Variants in PTGFR observed in about 807,000 individuals in gnomAD.
PTGFR encodes the protein prostaglandin F2-alpha receptor.
Under a neutral mutation model 26.2 loss-of-function variants are expected in PTGFR, and 15 were observed. That is an observed-to-expected ratio of 0.57 (90% confidence interval 0.38 to 0.88). The LOEUF is 0.88. Ranked by LOEUF, PTGFR falls within the 40% of genes least tolerant of loss-of-function variation. The pLI is 0.00. For synonymous variants in PTGFR, 165 were observed against 151.1 expected (o/e 1.09, Z -0.68); for missense variants, 369 against 427.2 (o/e 0.86, Z 1.20).
intron 2 of PTGFR, among the ~76,000 whole-genome samples, chr1:78,505,863 A>AGTAGGAAAGAT (rs1649817649): frequency 1.3e-5 from 2 of 152,240 alleles, no homozygotes; most frequent in South Asian, 4.1e-4. Flanking sequence ...GAGCAAGGTC[A>AGTAGGAAAGAT]GTACATCTTT....
rs192318000 is a variant in PTGFR, at chr1:78,517,690, G to A, written c.799-18716G>A. ...GGTGGTAGAATTTGAGGACACAGAA[G>A]AAGGTAGGAGTCAGATTGTGTAGGA... is the stretch of plus-strand genomic sequence containing the variant. On this transcript the variant is annotated intron_variant, in intron 2 of 2. Coordinates refer to ENST00000370757, the MANE Select transcript of PTGFR (RefSeq NM_000959.4). Among the ~76,000 whole-genome samples the A allele has an allele frequency of 1.3e-3, 199 of 152,230 alleles. 1 individual carries two copies. The highest frequency in any genetic ancestry group is 2.4e-3 in the Admixed American group (36 of 15,284).
intron 2 of PTGFR, chr1:78,532,089 T>C (rs571003841): frequency 9.2e-6 from 3 of 324,564 alleles, no homozygotes; most frequent in African/African-American, 4.6e-5. Flanking sequence ...GCAGGGAACA[T>C]GGCATGTTTT....
intron 2 of PTGFR, among the ~76,000 whole-genome samples, chr1:78,525,648 C>T (rs1650353158): frequency 1.3e-5 from 2 of 152,160 alleles, no homozygotes; most frequent in South Asian, 4.1e-4. Flanking sequence ...GAAGGTCAGG[C>T]TGATATCATG....
rs192588015 is a variant in PTGFR at position 78,513,191 on chromosome 1, G to A, written c.798+19650G>A. Among the ~76,000 whole-genome samples the A allele has an allele frequency of 4.4e-4, 67 of 152,318 alleles. 1 individual carries two copies. The highest frequency in any genetic ancestry group is 4.0e-3 in the Admixed American group (61 of 15,302). On this transcript the variant is annotated intron_variant, in intron 2 of 2. Coordinates refer to ENST00000370757, the MANE Select transcript of PTGFR (RefSeq NM_000959.4). ...GGAACTGTAAAATGGGCAGAGGTTG[G>A]AAGAATTTGGAGGGCTCAGAAGAAC... is the stretch of plus-strand genomic sequence containing the variant.
chr1:78,503,080 T>C (rs983607861), intron 2 of PTGFR, among the ~76,000 whole-genome samples: 6 of 152,098 alleles, frequency 3.9e-5, no homozygotes, highest in Non-Finnish European at 7.4e-5. Flanking sequence ...GAGAAAATAA[T>C]GCATATAATT....
intron 2 of PTGFR, among the ~76,000 whole-genome samples, chr1:78,496,882 TC>T (rs1553164273): frequency 8.3e-6 from 1 of 120,408 alleles, no homozygotes; most frequent in South Asian, 3.2e-4. Context: ...AAATACTCCC[TC>T]CCCCTCCCCC....
rs1168658956 is a variant in PTGFR at position 78,540,494 on chromosome 1, C to G, written c.*3807C>G. ...AGGACTCACTCTTTGTAAGTACTGA[C>G]AAGCATGGTCTTGTAATCTGTAAAG... On this transcript the variant is annotated 3_prime_UTR_variant, in exon 3 of 3. Coordinates refer to ENST00000370757, the MANE Select transcript of PTGFR (RefSeq NM_000959.4). Among the ~76,000 whole-genome samples the G allele has an allele frequency of 1.3e-5, 2 of 152,048 alleles. No homozygotes were observed. Among genetic ancestry groups the G allele is most frequent in the Non-Finnish European group, 2.9e-5 (2 of 67,992 alleles).
At chr1:78,513,947 T>C (rs577806205) in intron 2 of PTGFR, among the ~76,000 whole-genome samples, 1 of 152,360 alleles carries the variant, frequency 6.6e-6, no homozygotes, top group South Asian at 2.1e-4. Context: ...GCACACAGAA[T>C]GCAAAAGTGA....
chr1:78,495,844 C>T (rs1649534913), intron 2 of PTGFR, among the ~76,000 whole-genome samples: 1 of 152,126 alleles, frequency 6.6e-6, no homozygotes. Flanking sequence ...AATTTAATTC[C>T]TATTTTAAAC....
chr1:78,536,434 G>A lies in PTGFR; in HGVS notation c.827G>A (p.Gly276Glu), dbSNP rs1289806791. Residue 276 changes from glycine (G) to glutamate (E), a missense_variant, in exon 3 of 3, where the codon GGA (glycine) becomes GAA (glutamate). Coordinates refer to ENST00000370757, the MANE Select transcript of PTGFR (RefSeq NM_000959.4). The part of the protein sequence containing the change: ...LVTMANIGIN[G>E]NHSLETCETT... ...ACAATGGCCAACATTGGAATAAATG[G>A]AAATCATTCTCTGGAAACCTGTGAA... The A allele has an allele frequency of 6.2e-7, 1 of 1,612,280 alleles. No homozygotes were observed. Among genetic ancestry groups the A allele is most frequent in the Non-Finnish European group, 8.5e-7 (1 of 1,179,206 alleles).
chr1:78,534,690 A>G (rs1650603624), intron 2 of PTGFR, among the ~76,000 whole-genome samples: 3 of 146,046 alleles, frequency 2.1e-5, no homozygotes, highest in Non-Finnish European at 3.1e-5. Flanking sequence ...ACAAAATTAC[A>G]TATTTGGTTT....
At chr1:78,534,733 A>G (rs563241162) in intron 2 of PTGFR, among the ~76,000 whole-genome samples, 2 of 152,180 alleles carry the variant, frequency 1.3e-5, no homozygotes, top group Admixed American at 6.5e-5. Flanking sequence ...CAATCAATAC[A>G]GTTTGGCAAT....
chr1:78,536,850 A>G lies in PTGFR; in HGVS notation c.*163A>G, dbSNP rs1483198358. The G allele has an allele frequency of 1.2e-5, 10 of 814,308 alleles. No homozygotes were observed. The South Asian group carries it at 1.4e-4, about 12-fold the overall frequency. 50.4% of individuals were successfully genotyped at this position (814,308 alleles called of 1,614,324 possible). A position where few individuals can be genotyped will look rare whatever the true frequency, so the allele number is the denominator to read the frequency against. On this transcript the variant is annotated 3_prime_UTR_variant, in exon 3 of 3. Transcript: ENST00000370757. ...TCAGGTTTTGAAATTTGTCAAATAA[A>G]CAGGATAACTGTACATTTTTCACTT... is the stretch of plus-strand genomic sequence containing the variant.
chr1:78,512,604 G>T (rs1041321619), intron 2 of PTGFR, among the ~76,000 whole-genome samples: 1 of 152,052 alleles, frequency 6.6e-6, no homozygotes, highest in Non-Finnish European at 1.5e-5. Flanking sequence ...TTATAAGGAG[G>T]GCACCAAGCC....
chr1:78,527,119 G>T (rs994938884), intron 2 of PTGFR, among the ~76,000 whole-genome samples: 1 of 152,084 alleles, frequency 6.6e-6, no homozygotes, highest in Non-Finnish European at 1.5e-5. Flanking sequence ...AAGATGAAAT[G>T]CTTCTTAAAA....
intron 2 of PTGFR, among the ~76,000 whole-genome samples, chr1:78,511,296 G>A (rs1649963941): frequency 6.6e-6 from 1 of 152,210 alleles, no homozygotes; most frequent in Non-Finnish European, 1.5e-5. Context: ...TTCTGCCTGG[G>A]CACCCAGCCT....
At chr1:78,506,566 C>T (rs943980698) in intron 2 of PTGFR, among the ~76,000 whole-genome samples, 11 of 151,644 alleles carry the variant, frequency 7.3e-5, no homozygotes, top group Admixed American at 7.2e-4. Flanking sequence ...TAGTTTTATT[C>T]CTAGTGATTG....
Position 78,501,513 on chromosome 1 carries a change from T to C in PTGFR, c.798+7972T>C, listed in dbSNP as rs78786484. ...ACAGCTAATGCCATAGAAGAGTGAA[T>C]ACAATTGTGGTTTTACATAGGCAGG... On this transcript the variant is annotated intron_variant, in intron 2 of 2. Coordinates refer to ENST00000370757, the MANE Select transcript of PTGFR (RefSeq NM_000959.4). Among the ~76,000 whole-genome samples, 974 of 152,298 alleles carry C rather than the reference T, an allele frequency of 6.4e-3. 11 individuals carry two copies. Among genetic ancestry groups the C allele is most frequent in the African/African-American group, 0.022 (918 of 41,564 alleles).
chr1:78,520,317 A>G (rs1357863326), intron 2 of PTGFR, among the ~76,000 whole-genome samples: 1 of 152,124 alleles, frequency 6.6e-6, no homozygotes, highest in African/African-American at 2.4e-5. Flanking sequence ...GTGTTCTTTT[A>G]AGTGAGGCCA....
Sources: gnomAD v4.1 joint callset for allele counts (sites outside exome capture counted in the v4.1 genomes callset) on GRCh38, gnomAD v4.1.1 for gene constraint, MANE v1.5 for transcripts, NCBI Gene and HGNC (gene_info 2026-07-23, HGNC 2026-07-21) for gene names.